CLIP3: variants seen among roughly 807,000 people sequenced by gnomAD.
CLIP3 encodes CAP-Gly domain-containing linker protein 3.
A neutral mutation model predicts 59.4 loss-of-function variants in CLIP3; 15 were observed. The ratio of observed to expected loss-of-function variants is 0.25; its 90% CI spans 0.17 to 0.39. The LOEUF (loss-of-function observed/expected upper bound fraction) is 0.39. Ranked by LOEUF, CLIP3 falls within the 10% of genes least tolerant of loss-of-function variation. The pLI is 1.00. For synonymous variants in CLIP3, 300 were observed against 321.6 expected, an observed-to-expected ratio of 0.93 and a Z score of 0.72; for missense variants, 495 against 765.7, an observed-to-expected ratio of 0.65 and a Z score of 4.17.
intron 2 of CLIP3, among the ~76,000 whole-genome samples, chr19:36,028,103 G>A (rs1392132293): frequency 1.3e-5 from 2 of 152,076 alleles, no homozygotes; most frequent in South Asian, 2.1e-4. Flanking sequence ...TTTGGAGGCC[G>A]GGGCGGGCGG....
At chr19:36,028,393 G>A (rs551841658) in intron 2 of CLIP3, among the ~76,000 whole-genome samples, 73 of 152,254 alleles carry the variant, frequency 4.8e-4, no homozygotes, top group South Asian at 8.3e-4. Flanking sequence ...GTATCCATGA[G>A]CAGGAATCAA....
intron 9 of CLIP3, 27 bp from the exon 10 acceptor site, chr19:36,018,018 G>A (rs754179338): frequency 4.5e-5 from 72 of 1,612,158 alleles, no homozygotes; most frequent in Non-Finnish European, 5.4e-5. Context: ...TAGGAGGTGG[G>A]TAGTGGGGCT....
intron 2 of CLIP3, 30 bp from the exon 3 acceptor site, chr19:36,027,301 C>A: frequency 6.4e-7 from 1 of 1,569,310 alleles, no homozygotes; most frequent in South Asian, 1.2e-5. Flanking sequence ...AAGGTCACCC[C>A]ACGCAACTGA....
At chr19:36,027,927 G>C (rs1241163786) in intron 2 of CLIP3, among the ~76,000 whole-genome samples, 1 of 151,914 alleles carries the variant, frequency 6.6e-6, no homozygotes, top group Non-Finnish European at 1.5e-5. Context: ...TACTCAAGGA[G>C]ATTGAGACAG....
At chr19:36,021,901 C>A (rs375638746) in intron 7 of CLIP3, among the ~76,000 whole-genome samples, 1 of 151,130 alleles carries the variant, frequency 6.6e-6, no homozygotes, top group South Asian at 2.1e-4. Flanking sequence ...TTTTTGGAGA[C>A]GGAGTCTCAC....
intron 2 of CLIP3, among the ~76,000 whole-genome samples, chr19:36,030,227 A>G (rs905286267): frequency 3.2e-4 from 48 of 151,558 alleles, no homozygotes; most frequent in Admixed American, 7.9e-4. Flanking sequence ...TAATTTCTAA[A>G]TTTTCTGTAC....
chr19:36,016,717 T>A lies in CLIP3; in HGVS notation c.1589+190A>T. 2 of 618,666 alleles carry A rather than the reference T, an allele frequency of 3.2e-6. No homozygotes were observed. The highest frequency in any genetic ancestry group is 2.9e-5 in the Admixed American group (1 of 34,962). 38.3% of individuals were successfully genotyped at this position (618,666 alleles called of 1,614,324 possible). A position where few individuals can be genotyped will look rare whatever the true frequency, so the allele number is the denominator to read the frequency against. ...CTTCCTTTACCGGCCCACCCGAAAG[T>A]GGAATTCACTAGAATTCAGTGCGGG... On this transcript the variant is annotated intron_variant, in intron 13 of 13. Coordinates refer to ENST00000360535, the MANE Select transcript of CLIP3 (RefSeq NM_015526.3). This position sits in a 1 kb window ranked among gnomAD's most constrained non-coding sequence, Gnocchi z 4.1.
chr19:36,025,115 C>T (rs1448682074), intron 6 of CLIP3, among the ~76,000 whole-genome samples: 1 of 151,428 alleles, frequency 6.6e-6, no homozygotes, highest in Non-Finnish European at 1.5e-5. Flanking sequence ...GACCACATCC[C>T]CAGGGAAACC....
intron 7 of CLIP3, among the ~76,000 whole-genome samples, chr19:36,022,873 G>C (rs1401310969): frequency 6.6e-6 from 1 of 152,124 alleles, no homozygotes; most frequent in Non-Finnish European, 1.5e-5. Flanking sequence ...GGCTAACACA[G>C]TGACACCCTC....
At position 36,016,992 on chromosome 19, in the gene CLIP3, G is replaced by A. The variant is rs1381817464; in HGVS notation, c.1517-13C>T. 1.2e-6 allele frequency: 2 copies of A among 1,613,706 alleles called. No individual in the cohort carries two copies. The highest frequency in any genetic ancestry group is 3.3e-5 in the Admixed American group (2 of 59,952). On this transcript the variant is annotated splice_polypyrimidine_tract_variant and intron_variant, in intron 12 of 13. Coordinates refer to ENST00000360535, the MANE Select transcript of CLIP3 (RefSeq NM_015526.3). This position sits in a 1 kb window ranked among gnomAD's most constrained non-coding sequence, Gnocchi z 4.1. ...TTGGGCTGCGTCACTGAAGAGGAGG[G>A]CAGGATGTCAAGTGAGGGGATGACA...
At position 36,024,543 on chromosome 19, in the gene CLIP3, C is replaced by T; in HGVS notation, c.771G>A (p.Glu257=). 2 of 1,614,274 alleles carry T rather than the reference C, an allele frequency of 1.2e-6. No homozygotes were observed. The highest frequency in any genetic ancestry group is 1.7e-6 in the Non-Finnish European group (2 of 1,180,058). The part of the protein sequence containing the change: ...DKAEAALVAK[E]LRTLLEEAVP... Reference sequence around the variant, plus strand: ...CTGCCTCTTCCAGAAGCGTCCGCAGCTCCTTGGCCACCAGTGCCGCCTCTG... The same window carrying T: ...CTGCCTCTTCCAGAAGCGTCCGCAGTTCCTTGGCCACCAGTGCCGCCTCTG... Residue 257 remains glutamate (E), a synonymous_variant, in exon 7 of 14, where the codon GAG becomes GAA. Transcript: ENST00000360535.
Position 36,026,184 on chromosome 19 carries a change from T to C in CLIP3, c.644A>G (p.Lys215Arg), listed in dbSNP as rs747626122. Residue 215 changes from lysine (K) to arginine (R), a missense_variant, in exon 6 of 14, where the codon AAA (lysine) becomes AGA (arginine). Around this residue, in one of 5 missense-constraint regions of CLIP3, gnomAD observed 194 missense variants for 327.8 expected, o/e 0.59. Coordinates refer to ENST00000360535, the MANE Select transcript of CLIP3 (RefSeq NM_015526.3). The surrounding 1 kb of genome is among the most constrained non-coding windows in gnomAD (Gnocchi z 6.3). ...AASSLCLGAA[K>R]CLLEHGANPA... Reference sequence around the variant, plus strand: ...GTTGGCGCCGTGCTCCAGCAAACATTTGGCGGCGCCCAGGCACAGGCTGGA... The same window carrying C: ...GTTGGCGCCGTGCTCCAGCAAACATCTGGCGGCGCCCAGGCACAGGCTGGA... The C allele has an allele frequency of 9.3e-6, 15 of 1,613,770 alleles. No individual in the cohort carries two copies. Among genetic ancestry groups the C allele is most frequent in the Non-Finnish European group, 1.2e-5 (14 of 1,179,950 alleles).
intron 2 of CLIP3, among the ~76,000 whole-genome samples, chr19:36,028,102 C>T (rs1462639588): frequency 6.6e-6 from 1 of 151,916 alleles, no homozygotes; most frequent in Non-Finnish European, 1.5e-5. Flanking sequence ...TTTTGGAGGC[C>T]GGGGCGGGCG....
chr19:36,022,081 C>T (rs181299770), intron 7 of CLIP3, among the ~76,000 whole-genome samples: 3 of 151,724 alleles, frequency 2.0e-5, no homozygotes, highest in South Asian at 2.1e-4. Flanking sequence ...GAGGTTTCAC[C>T]GGGTTAGCCA....
chr19:36,016,844 C>T lies in CLIP3; in HGVS notation c.1589+63G>A. The T allele has an allele frequency of 6.4e-7, 1 of 1,553,272 alleles. No homozygotes were observed. The highest frequency in any genetic ancestry group is 8.8e-7 in the Non-Finnish European group (1 of 1,134,050). ...CAGAGCTCCAGACCTCTGGGTCCAACTGCCTTATGGATCCCTCTCCCTGAA... is the reference window on the plus strand; with the variant it reads ...CAGAGCTCCAGACCTCTGGGTCCAATTGCCTTATGGATCCCTCTCCCTGAA... On this transcript the variant is annotated intron_variant, in intron 13 of 13. Transcript: ENST00000360535. This position sits in a 1 kb window ranked among gnomAD's most constrained non-coding sequence, Gnocchi z 4.1.
rs1969291623 is a variant in CLIP3, at chr19:36,032,453, G to T, written c.-58-38C>A. 3.7e-6 allele frequency: 2 copies of T among 545,294 alleles called. No homozygotes were observed. The highest frequency in any genetic ancestry group is 9.0e-5 in the South Asian group (1 of 11,064). The allele number at this position is 545,294 out of a possible 1,614,324, so 33.8% of individuals were successfully genotyped here. A position where few individuals can be genotyped will look rare whatever the true frequency, so the allele number is the denominator to read the frequency against. On this transcript the variant is annotated intron_variant, in intron 1 of 13. Coordinates refer to ENST00000360535, the MANE Select transcript of CLIP3 (RefSeq NM_015526.3). This position sits in a 1 kb window ranked among gnomAD's most constrained non-coding sequence, Gnocchi z 4.3. The stretch of plus-strand genomic sequence containing the variant: ...GTCAGCTGGAGAGGGTGCCCGGCAG[G>T]CTCCAGGGTCCAAGCCCCTAGGAGC...
At chr19:36,022,774 G>A (rs1456967988) in intron 7 of CLIP3, among the ~76,000 whole-genome samples, 2 of 152,106 alleles carry the variant, frequency 1.3e-5, no homozygotes, top group African/African-American at 4.8e-5. Context: ...AAAAATAAAA[G>A]GCCAGGCGCG....
Position 36,017,416 on chromosome 19 carries a change from C to T in CLIP3, c.1486G>A (p.Val496Ile), listed in dbSNP as rs778908504. Residue 496 changes from valine to isoleucine, a missense_variant, in exon 12 of 14, where the codon GTT (valine) becomes ATT (isoleucine). Val to Ile is a conservative substitution (Grantham distance 29). Coordinates refer to ENST00000360535, the MANE Select transcript of CLIP3 (RefSeq NM_015526.3). ...GGSTDSPGDS[V>I]GAKKVHQVTM... ...ACTTGATGCACTTTTTTGGCTCCAA[C>T]GCTGTCCCCGGGGGAATCAGTGGAT... is the stretch of plus-strand genomic sequence containing the variant. 3.3e-5 allele frequency: 53 copies of T among 1,614,028 alleles called. No homozygotes were observed. Among genetic ancestry groups the T allele is most frequent in the Non-Finnish European group, 4.1e-5 (48 of 1,180,030 alleles).
rs71167588 is a variant in CLIP3, at chr19:36,028,996, C to CT, written c.167-1726dup. On this transcript the variant is annotated intron_variant, in intron 2 of 13. Transcript: ENST00000360535. ...CACCCGCCCTTCTCCATCTCCTACT[C>CT]TTTTTTTTTTTTTTTTTTTTTTTTT... Among the ~76,000 whole-genome samples, 355 of 65,272 alleles carry CT rather than the reference C, an allele frequency of 5.4e-3. 71 individuals are homozygous for CT. The highest frequency in any genetic ancestry group is 6.1e-3 in the Non-Finnish European group (209 of 34,212). 42.8% of individuals were successfully genotyped at this position (65,272 alleles called of 152,430 possible). A position where few individuals can be genotyped will look rare whatever the true frequency, so the allele number is the denominator to read the frequency against.
Sources: allele counts gnomAD v4.1 joint callset (sites outside exome capture counted in the v4.1 genomes callset), GRCh38; gene constraint gnomAD v4.1.1; regional missense constraint gnomAD v4.1.1; non-coding constraint Gnocchi (gnomAD v3.1); transcripts MANE v1.5; gene names NCBI Gene and HGNC (gene_info 2026-07-23, HGNC 2026-07-21).